ZNF732: variants seen among roughly 807,000 people sequenced by gnomAD.
The protein encoded by ZNF732 is zinc finger protein 732, also known as zinc finger protein LOC654254.
A neutral mutation model predicts 11.5 loss-of-function variants in ZNF732; 12 were observed. That is an observed-to-expected ratio of 1.05 (90% confidence interval 0.67 to 1.70). ZNF732 has a LOEUF of 1.70. Ranked by LOEUF, ZNF732 falls within the 40% of genes most tolerant of loss-of-function variation. The pLI is 0.00. For synonymous variants in ZNF732, 231 were observed against 236.5 expected (o/e 0.98, Z 0.21); for missense variants, 702 against 676.9 (o/e 1.04, Z -0.41).
chr4:296,865 C>G (rs1553842434), intron 1 of ZNF732, among the ~76,000 whole-genome samples: 1 of 152,178 alleles, frequency 6.6e-6, no homozygotes, highest in East Asian at 1.9e-4. Context: ...TACTTTTCAT[C>G]CCAAGACAAG....
At chr4:283,361 G>A (rs1400336026) in intron 3 of ZNF732, among the ~76,000 whole-genome samples, 1 of 152,010 alleles carries the variant, frequency 6.6e-6, no homozygotes, top group Non-Finnish European at 1.5e-5. Context: ...TCAACAACAT[G>A]CTGCACACAA....
At chr4:304,362 G>A (rs965124535) in intron 1 of ZNF732, among the ~76,000 whole-genome samples, 8 of 151,986 alleles carry the variant, frequency 5.3e-5, no homozygotes, top group Non-Finnish European at 1.2e-4. Context: ...GACAGCACAT[G>A]TGCAGAACCC....
chr4:290,705 T>C (rs528273982), intron 3 of ZNF732, among the ~76,000 whole-genome samples: 17 of 152,308 alleles, frequency 1.1e-4, no homozygotes, highest in African/African-American at 3.8e-4. Flanking sequence ...ACCTGCCATA[T>C]AGATTAATGT....
intron 3 of ZNF732, among the ~76,000 whole-genome samples, chr4:288,581 G>A (rs1488951393): frequency 6.6e-6 from 1 of 152,074 alleles, no homozygotes; most frequent in African/African-American, 2.4e-5. Context: ...TGAGTTCTCT[G>A]TTCTGTTCTA....
Position 272,422 on chromosome 4 carries a change from T to C in ZNF732, c.435A>G (p.Val145=). The change falls in exon 4 of 4, where the codon GTA becomes GTG. Residue 145 remains valine (V), a synonymous_variant. Coordinates refer to ENST00000419098, the MANE Select transcript of ZNF732 (RefSeq NM_001137608.3). ...AAAATGTACTAAATACTTTGACATG[T>C]ACATTACACTGAAATATTTTGCTCT... The part of the protein sequence containing the change: ...TIQSKIFQCN[V]HVKVFSTFSN... The C allele has an allele frequency of 6.3e-7, 1 of 1,596,852 alleles. No homozygotes were observed. Among genetic ancestry groups the C allele is most frequent in the Non-Finnish European group, 8.5e-7 (1 of 1,170,466 alleles).
At chr4:304,386 G>A (rs572883664) in intron 1 of ZNF732, among the ~76,000 whole-genome samples, 24 of 152,166 alleles carry the variant, frequency 1.6e-4, no homozygotes, top group African/African-American at 4.8e-4. Context: ...CGCGCCTCCC[G>A]CAGACACCAG....
chr4:299,399 ATG>A (rs1472351802), intron 1 of ZNF732, among the ~76,000 whole-genome samples: 1 of 45,192 alleles, frequency 2.2e-5, no homozygotes, highest in East Asian at 8.1e-4. Flanking sequence ...ATGTACACAT[ATG>A]TGTATATATA....
intron 1 of ZNF732, among the ~76,000 whole-genome samples, chr4:304,219 A>T (rs1720178544): frequency 6.6e-6 from 1 of 151,960 alleles, no homozygotes; most frequent in African/African-American, 2.4e-5. Flanking sequence ...CGTCCTCGGG[A>T]GTGGGTTAGC....
At position 271,225 on chromosome 4, in the gene ZNF732, G is replaced by T; in HGVS notation, c.1632C>A (p.Val544=). ...ECGKAFRRSR[V]LNKYKTIHTG... ...TATGAATTGTCTTATATTTATTCAG[G>T]ACTCTGGAACGTCTAAATGCTTTGC... is the stretch of plus-strand genomic sequence containing the variant. Residue 544 remains valine, a synonymous_variant, in exon 4 of 4, where the codon GTC becomes GTA. Transcript: ENST00000419098. The T allele has an allele frequency of 6.4e-7, 1 of 1,559,498 alleles. No homozygotes were observed. Among genetic ancestry groups the T allele is most frequent in the Non-Finnish European group, 8.7e-7 (1 of 1,151,170 alleles).
At chr4:288,224 T>C (rs1719771432) in intron 3 of ZNF732, among the ~76,000 whole-genome samples, 2 of 152,340 alleles carry the variant, frequency 1.3e-5, no homozygotes, top group East Asian at 3.9e-4. Context: ...TTAATGTTTG[T>C]TAATGTGCAG....
At chr4:297,335 T>C (rs782583883) in intron 1 of ZNF732, among the ~76,000 whole-genome samples, 7 of 151,456 alleles carry the variant, frequency 4.6e-5, no homozygotes, top group Non-Finnish European at 7.4e-5. Context: ...GCATGTACTA[T>C]GTGCTCAGGA....
At position 270,817 on chromosome 4, in the gene ZNF732, C is replaced by T; in HGVS notation, c.*282G>A. The T allele has an allele frequency of 6.5e-6, 4 of 619,302 alleles. No homozygotes were observed. Among genetic ancestry groups the T allele is most frequent in the Admixed American group, 2.2e-5 (1 of 45,290 alleles). 38.4% of individuals were successfully genotyped at this position (619,302 alleles called of 1,614,324 possible). A position where few individuals can be genotyped will look rare whatever the true frequency, so the allele number is the denominator to read the frequency against. On this transcript the variant is annotated 3_prime_UTR_variant, in exon 4 of 4. Coordinates refer to ENST00000419098, the MANE Select transcript of ZNF732 (RefSeq NM_001137608.3). ...CTTATGTTCACTCAGGGTTGTGGAC[C>T]ATCTAAAAGCTTTGCCACATTCTTC...
chr4:292,722 G>C (rs1451172894), intron 3 of ZNF732, among the ~76,000 whole-genome samples: 2 of 151,380 alleles, frequency 1.3e-5, no homozygotes, highest in Non-Finnish European at 2.9e-5. Context: ...TATGCTGTTG[G>C]TGAGATGTAA....
At chr4:305,239 G>A in intron 1 of ZNF732, 69 bp downstream of exon 1, 3 of 1,560,816 alleles carry the variant, frequency 1.9e-6, no homozygotes, top group East Asian at 2.3e-5. Flanking sequence ...ACTCCGTCCC[G>A]CCGCCGCCAT....
Position 295,545 on chromosome 4 carries a change from A to C in ZNF732, c.131-12T>G, listed in dbSNP as rs572787201. On this transcript the variant is annotated splice_polypyrimidine_tract_variant and intron_variant, in intron 2 of 3. Transcript: ENST00000419098. ...AGAGATAGCAACACCTGTTTATTTT[A>C]AAAAATTAACATGCTACTGTTAGGG... 1.7e-5 allele frequency: 27 copies of C among 1,598,410 alleles called. No individual in the cohort carries two copies. The highest frequency in any genetic ancestry group is 1.7e-4 in the Middle Eastern group (1 of 6,042).
Position 296,090 on chromosome 4 carries a change from A to C in ZNF732, c.69T>G (p.Pro23=). 1 of 1,613,984 alleles carries C rather than the reference A, an allele frequency of 6.2e-7. No individual in the cohort carries two copies. Among genetic ancestry groups the C allele is most frequent in the Non-Finnish European group, 8.5e-7 (1 of 1,179,960 alleles). The part of the protein sequence containing the change: ...FSPEEWKCLD[P]AQQNLYRDVM... ...CATCTCTATACAAATTCTGCTGGGC[A>C]GGGTCCAGGCATTTCCACTCTTCTG... Residue 23 remains proline (P), a synonymous_variant, in exon 2 of 4, where the codon CCT becomes CCG. Coordinates refer to ENST00000419098, the MANE Select transcript of ZNF732 (RefSeq NM_001137608.3).
intron 1 of ZNF732, among the ~76,000 whole-genome samples, chr4:299,343 G>GTATATA (rs573050738): frequency 8.2e-6 from 1 of 122,182 alleles, no homozygotes; most frequent in Non-Finnish European, 1.7e-5. Context: ...GCAGTTATGA[G>GTATATA]TATATATACA....
intron 1 of ZNF732, among the ~76,000 whole-genome samples, chr4:299,418 CATATATACACAT>C (rs1720042671): frequency 1.4e-4 from 12 of 83,492 alleles, no homozygotes; most frequent in East Asian, 3.6e-4. Context: ...TATATATACA[CATATATACACAT>C]ATGTGTATAT....
chr4:284,513 A>G (rs1468175121), intron 3 of ZNF732, among the ~76,000 whole-genome samples: 1 of 152,186 alleles, frequency 6.6e-6, no homozygotes, highest in African/African-American at 2.4e-5. Flanking sequence ...TTGAAAAACA[A>G]TAATCTCAAT....
Sources: gnomAD v4.1 joint callset for allele counts (sites outside exome capture counted in the v4.1 genomes callset) on GRCh38, gnomAD v4.1.1 for gene constraint, MANE v1.5 for transcripts, NCBI Gene and HGNC (gene_info 2026-07-23, HGNC 2026-07-21) for gene names.